The following PRSS3 variants were observed in gnomAD, a reference collection of about 807,000 sequenced individuals.
PRSS3 encodes the protein trypsin-3.
PRSS3 carries 14 observed loss-of-function variants against 20.8 expected under a neutral mutation model. The observed-to-expected ratio is 0.67, with a 90% CI of 0.44 to 1.05. The LOEUF (loss-of-function observed/expected upper bound fraction) is 1.05, where lower values mean the gene tolerates loss of function less well. PRSS3 is among the 50% of genes least tolerant of loss of function. The pLI is 0.00. For synonymous variants in PRSS3, 91 were observed against 117.6 expected (o/e 0.77, Z 1.46); for missense variants, 237 against 306.4 (o/e 0.77, Z 1.69).
At chr9:33,784,254 A>G (rs567170840) in intron 1 of PRSS3, among the ~76,000 whole-genome samples, 3 of 152,332 alleles carry the variant, frequency 2.0e-5, no homozygotes, top group Admixed American at 6.5e-5. Flanking sequence ...GGAATTTAGT[A>G]AAGAATAGGG....
chr9:33,775,757 C>T (rs1357548758), intron 1 of PRSS3, among the ~76,000 whole-genome samples: 1 of 144,532 alleles, frequency 6.9e-6, no homozygotes, highest in Admixed American at 7.1e-5. Flanking sequence ...GGCTGGAGTG[C>T]AGTGGCACGA....
intron 1 of PRSS3, among the ~76,000 whole-genome samples, chr9:33,785,567 G>A (rs1219839052): frequency 6.6e-6 from 1 of 152,068 alleles, no homozygotes; most frequent in East Asian, 1.9e-4. Flanking sequence ...CAAGTATTCA[G>A]GAATTAAGCA....
chr9:33,770,686 A>G (rs1200641325), intron 1 of PRSS3, among the ~76,000 whole-genome samples: 3 of 152,198 alleles, frequency 2.0e-5, no homozygotes, highest in Admixed American at 2.0e-4. Flanking sequence ...ACAGACACAC[A>G]CAAGAGGATG....
upstream of PRSS3, among the ~76,000 whole-genome samples, chr9:33,790,613 TTA>T (rs1402583471): frequency 1.3e-5 from 2 of 152,214 alleles, no homozygotes; most frequent in African/African-American, 2.4e-5. Flanking sequence ...TCATCCCATA[TTA>T]TATTATCACT....
chr9:33,755,143 G>A (rs1822882764), intron 1 of PRSS3, among the ~76,000 whole-genome samples: 1 of 152,188 alleles, frequency 6.6e-6, no homozygotes, highest in African/African-American at 2.4e-5. Context: ...TCTGAGGGCA[G>A]GTGGTTGCGG....
At chr9:33,757,488 T>C (rs1351413022) in intron 1 of PRSS3, among the ~76,000 whole-genome samples, 2 of 151,234 alleles carry the variant, frequency 1.3e-5, no homozygotes, top group African/African-American at 2.4e-5. Context: ...TTTTTTTTTT[T>C]TCCCTGGGAA....
intron 1 of PRSS3, among the ~76,000 whole-genome samples, chr9:33,782,476 T>C (rs1471940116): frequency 1.3e-5 from 2 of 152,196 alleles, no homozygotes; most frequent in Non-Finnish European, 2.9e-5. Flanking sequence ...AGTACCTAAG[T>C]CCTCAGCACT....
chr9:33,769,403 A>G (rs548860745), intron 1 of PRSS3, among the ~76,000 whole-genome samples: 27 of 152,244 alleles, frequency 1.8e-4, no homozygotes, highest in South Asian at 1.2e-3. Context: ...TTTCCCAGGA[A>G]CTTCTGTGGA....
intron 1 of PRSS3, among the ~76,000 whole-genome samples, chr9:33,775,742 G>A (rs997787482): frequency 6.3e-5 from 9 of 141,928 alleles, no homozygotes; most frequent in African/African-American, 1.6e-4. Flanking sequence ...TCACTCTGTC[G>A]CCCAGGCTGG....
At chr9:33,793,983 T>G (rs1824765902), upstream of PRSS3, among the ~76,000 whole-genome samples, 1 of 152,206 alleles carries the variant, frequency 6.6e-6, no homozygotes, top group Non-Finnish European at 1.5e-5. Flanking sequence ...TTAGAGGGGA[T>G]GTGGGGTGGA....
intron 1 of PRSS3, among the ~76,000 whole-genome samples, chr9:33,789,388 C>G (rs183930388): frequency 1.7e-3 from 257 of 152,320 alleles, no homozygotes; most frequent in Non-Finnish European, 2.7e-3. Context: ...CCCCAATGGG[C>G]TGACTGTTCA....
At chr9:33,761,256 A>C (rs1162489809) in intron 1 of PRSS3, among the ~76,000 whole-genome samples, 1 of 152,194 alleles carries the variant, frequency 6.6e-6, no homozygotes, top group Non-Finnish European at 1.5e-5. Flanking sequence ...GAGCATACGC[A>C]CTGTTAGCAG....
intron 1 of PRSS3, among the ~76,000 whole-genome samples, chr9:33,781,582 GT>G (rs1291257771): frequency 6.6e-6 from 1 of 152,144 alleles, no homozygotes; most frequent in African/African-American, 2.4e-5. Context: ...TGGGTACTAT[GT>G]TTGCTACCTG....
At chr9:33,791,580 T>C (rs1824632419), upstream of PRSS3, among the ~76,000 whole-genome samples, 1 of 152,194 alleles carries the variant, frequency 6.6e-6, no homozygotes, top group Admixed American at 6.5e-5. Flanking sequence ...AAACAGATCC[T>C]AGATGTTACA....
At chr9:33,790,552 T>C (rs1159470135) in intron 1 of PRSS3, among the ~76,000 whole-genome samples, 2 of 152,234 alleles carry the variant, frequency 1.3e-5, no homozygotes, top group East Asian at 1.9e-4. Context: ...TTAACTTAAA[T>C]GCCACCTCCC....
chr9:33,791,163 A>G (rs181891072), upstream of PRSS3, among the ~76,000 whole-genome samples: 273 of 152,354 alleles, frequency 1.8e-3, 1 homozygote, highest in Non-Finnish European at 3.0e-3. Flanking sequence ...AAAGGTACAC[A>G]TGTCATGTGC....
chr9:33,758,963 T>A (rs567544367), intron 1 of PRSS3, among the ~76,000 whole-genome samples: 1 of 152,360 alleles, frequency 6.6e-6, no homozygotes, highest in Admixed American at 6.5e-5. Flanking sequence ...AATTTTAATA[T>A]AACATGGTAA....
chr9:33,784,988 T>C (rs1000098145), intron 1 of PRSS3, among the ~76,000 whole-genome samples: 4 of 152,064 alleles, frequency 2.6e-5, no homozygotes, highest in African/African-American at 9.7e-5. Flanking sequence ...GTAAAAATAG[T>C]GTGACAATAA....
intron 1 of PRSS3, among the ~76,000 whole-genome samples, chr9:33,778,248 G>C (rs942695972): frequency 6.6e-5 from 10 of 152,140 alleles, no homozygotes; most frequent in African/African-American, 2.4e-4. Context: ...CACTTAATGA[G>C]AGAAATATTA....
Sources: allele counts gnomAD v4.1 joint callset (sites outside exome capture counted in the v4.1 genomes callset), GRCh38; gene constraint gnomAD v4.1.1; transcripts MANE v1.5; gene names NCBI Gene and HGNC (gene_info 2026-07-23, HGNC 2026-07-21).